CSMD1: variants seen among roughly 807,000 people sequenced by gnomAD.
The protein encoded by CSMD1 is CUB and Sushi multiple domains 1, also known as CUB and sushi domain-containing protein 1.
A neutral mutation model predicts 417.5 loss-of-function variants in CSMD1; 213 were observed. That is an observed-to-expected ratio of 0.51 (90% CI 0.46 to 0.57). CSMD1 has a LOEUF of 0.57. Ranked by LOEUF, CSMD1 falls within the 20% of genes least tolerant of loss-of-function variation. The pLI is 0.00. For synonymous variants in CSMD1, 2,862 were observed against 1,736.8 expected, an observed-to-expected ratio of 1.65 and a Z score of -16.11; for missense variants, 6,923 against 4,529.7, an observed-to-expected ratio of 1.53 and a Z score of -15.17.
intron 3 of CSMD1, among the ~76,000 whole-genome samples, chr8:4,300,496 T>C (rs1269034144): frequency 1.3e-5 from 2 of 152,228 alleles, no homozygotes; most frequent in Non-Finnish European, 2.9e-5. Context: ...TTCTTAACGT[T>C]ATTAACTGAA....
intron 21 of CSMD1, among the ~76,000 whole-genome samples, chr8:3,356,588 T>C (rs921499202): frequency 1.3e-5 from 2 of 152,126 alleles, no homozygotes; most frequent in Non-Finnish European, 2.9e-5. Flanking sequence ...GGCAGGAGAA[T>C]TGCTTGAACC....
At chr8:4,522,921 T>A (rs897696985) in intron 2 of CSMD1, among the ~76,000 whole-genome samples, 1 of 152,156 alleles carries the variant, frequency 6.6e-6, no homozygotes. Context: ...AATAAGGACA[T>A]TGCTGTTATC....
intron 5 of CSMD1, among the ~76,000 whole-genome samples, chr8:3,840,723 T>C (rs1383683019): frequency 6.7e-6 from 1 of 149,390 alleles, no homozygotes; most frequent in Non-Finnish European, 1.5e-5. Flanking sequence ...ACGGAATCTA[T>C]CTGGCTCTGT....
intron 3 of CSMD1, among the ~76,000 whole-genome samples, chr8:4,367,265 C>T (rs935536667): frequency 6.6e-6 from 1 of 152,216 alleles, no homozygotes; most frequent in East Asian, 1.9e-4. Flanking sequence ...CCAGCCGGGC[C>T]AGACTGCATG....
At chr8:3,413,722 T>A (rs1812956294) in intron 12 of CSMD1, among the ~76,000 whole-genome samples, 1 of 152,174 alleles carries the variant, frequency 6.6e-6, no homozygotes, top group African/African-American at 2.4e-5. Context: ...GCAATTTTAT[T>A]TGAGGTTCAT....
chr8:4,224,348 A>G (rs1356964448), intron 3 of CSMD1, among the ~76,000 whole-genome samples: 2 of 152,204 alleles, frequency 1.3e-5, no homozygotes, highest in Non-Finnish European at 2.9e-5. Flanking sequence ...AGCCTTAGGT[A>G]CATGTACGAT....
intron 1 of CSMD1, among the ~76,000 whole-genome samples, chr8:4,989,531 C>T (rs1367016639): frequency 1.3e-5 from 2 of 152,172 alleles, no homozygotes; most frequent in African/African-American, 4.8e-5. Flanking sequence ...AAAAAGAAGA[C>T]ATACTTGACC....
intron 5 of CSMD1, among the ~76,000 whole-genome samples, chr8:3,899,818 A>G (rs1243632152): frequency 1.3e-5 from 2 of 152,192 alleles, no homozygotes; most frequent in Admixed American, 1.3e-4. Flanking sequence ...ACCCTTCAGT[A>G]TGACCCTACC....
At chr8:3,488,184 C>G (rs1290344241) in intron 11 of CSMD1, among the ~76,000 whole-genome samples, 1 of 151,862 alleles carries the variant, frequency 6.6e-6, no homozygotes, top group Non-Finnish European at 1.5e-5. Context: ...CTCACTGCAG[C>G]CTTGATCTCC....
chr8:3,262,187 ATATATATATATATATAT>A lies in CSMD1; in HGVS notation c.4153+21940_4153+21956del, dbSNP rs1801121373. 6.6e-4 allele frequency among the ~76,000 whole-genome samples: 31 copies of A among 46,794 alleles called. 2 individuals are homozygous for A. Among genetic ancestry groups the A allele is most frequent in the Non-Finnish European group, 8.0e-4 (19 of 23,684 alleles). The allele number at this position is 46,794 out of a possible 152,430, so 30.7% of individuals were successfully genotyped here. A position where few individuals can be genotyped will look rare whatever the true frequency, so the allele number is the denominator to read the frequency against. ...TTTCTAAAATTATGCTCATATGAATATATATATATATATATATATATATATATATATATATATATATA... is the reference window on the plus strand; with the variant it reads ...TTTCTAAAATTATGCTCATATGAATAATATATATATATATATATATATATA... On this transcript the variant is annotated intron_variant, in intron 26 of 69. Coordinates refer to ENST00000635120, the MANE Select transcript of CSMD1 (RefSeq NM_033225.6).
At chr8:3,306,710 G>A (rs924483643) in intron 25 of CSMD1, among the ~76,000 whole-genome samples, 4 of 152,174 alleles carry the variant, frequency 2.6e-5, no homozygotes, top group East Asian at 1.9e-4. Context: ...GGATTGGTTA[G>A]GACTGTGTGT....
At chr8:3,669,111 A>T (rs1188860292) in intron 7 of CSMD1, among the ~76,000 whole-genome samples, 1 of 152,204 alleles carries the variant, frequency 6.6e-6, no homozygotes, top group Non-Finnish European at 1.5e-5. Context: ...ACGTACAGAA[A>T]AATTAGTTAA....
chr8:3,427,646 A>G (rs2117006465), intron 12 of CSMD1, among the ~76,000 whole-genome samples: 1 of 152,354 alleles, frequency 6.6e-6, no homozygotes, highest in South Asian at 2.1e-4. Flanking sequence ...TCCCACAAAA[A>G]TAATGATATT....
intron 3 of CSMD1, among the ~76,000 whole-genome samples, chr8:4,312,284 T>A (rs1005685160): frequency 6.6e-6 from 1 of 151,642 alleles, no homozygotes; most frequent in African/African-American, 2.4e-5. Flanking sequence ...CATTGATGTA[T>A]ACTCATATAG....
intron 3 of CSMD1, among the ~76,000 whole-genome samples, chr8:4,156,389 G>C (rs1161305197): frequency 5.9e-5 from 9 of 152,276 alleles, no homozygotes; most frequent in East Asian, 1.9e-4. Flanking sequence ...CCAATGGCAA[G>C]TCCATAAAAT....
chr8:3,991,507 C>A (rs1814748941), intron 5 of CSMD1, among the ~76,000 whole-genome samples: 1 of 152,148 alleles, frequency 6.6e-6, no homozygotes, highest in South Asian at 2.1e-4. Flanking sequence ...CAGAAATATG[C>A]TCAACAAGCA....
chr8:4,787,727 A>G, intron 1 of CSMD1: 1 of 1,589,990 alleles, frequency 6.3e-7, no homozygotes, highest in East Asian at 2.2e-5. Context: ...AATGACCCAC[A>G]GTGGTCTGAG....
At chr8:4,263,963 A>G (rs1483038421) in intron 3 of CSMD1, among the ~76,000 whole-genome samples, 3 of 152,220 alleles carry the variant, frequency 2.0e-5, no homozygotes, top group Non-Finnish European at 4.4e-5. Context: ...GTCATAGCAG[A>G]AGAATCATAG....
At chr8:3,651,815 C>G (rs989551106) in intron 7 of CSMD1, among the ~76,000 whole-genome samples, 1 of 151,560 alleles carries the variant, frequency 6.6e-6, no homozygotes, top group African/African-American at 2.4e-5. Flanking sequence ...TTACCACCAT[C>G]AGAGCACCCA....
Sources: allele counts gnomAD v4.1 joint callset (sites outside exome capture counted in the v4.1 genomes callset), GRCh38; gene constraint gnomAD v4.1.1; transcripts MANE v1.5; gene names NCBI Gene and HGNC (gene_info 2026-07-23, HGNC 2026-07-21).